Variants in ADGRL2 observed in about 807,000 individuals in gnomAD.
ADGRL2 encodes calcium-independent alpha-latrotoxin receptor 2.
ADGRL2 carries 44 observed loss-of-function variants against 157.4 expected under a neutral mutation model. The ratio of observed to expected loss-of-function variants is 0.28; its 90% CI spans 0.22 to 0.36. The LOEUF (loss-of-function observed/expected upper bound fraction) is 0.36, where lower values mean the gene tolerates loss of function less well. Among genes scored for constraint, ADGRL2 ranks in the 10% least tolerant of loss-of-function variants. ADGRL2 has a pLI of 1.00. For synonymous variants in ADGRL2, 585 were observed against 624.7 expected (o/e 0.94, Z 0.95); for missense variants, 1,510 against 1,768.9 (o/e 0.85, Z 2.63).
chr1:81,729,877 T>C (rs1440019779), intron 1 of ADGRL2, among the ~76,000 whole-genome samples: 1 of 152,256 alleles, frequency 6.6e-6, no homozygotes, highest in Non-Finnish European at 1.5e-5. Flanking sequence ...ACGGGATTGG[T>C]CATCTTGCAG....
chr1:81,763,284 A>C lies in ADGRL2; in HGVS notation c.-101+1432A>C, dbSNP rs190604313. ...ACTTCTTTGTGCCAACTGGATAACCAATTAAAAAAAAAATCTTCAGCTGGG... is the reference window on the plus strand; with the variant it reads ...ACTTCTTTGTGCCAACTGGATAACCCATTAAAAAAAAAATCTTCAGCTGGG... On this transcript the variant is annotated intron_variant, in intron 2 of 20. Coordinates refer to the ADGRL2 transcript ENST00000359929. Among the ~76,000 whole-genome samples, 143 of 151,920 alleles carry C rather than the reference A, an allele frequency of 9.4e-4. 1 individual carries two copies. The highest frequency in any genetic ancestry group is 3.3e-3 in the African/African-American group (138 of 41,462).
intron 1 of ADGRL2, among the ~76,000 whole-genome samples, chr1:81,714,086 G>A (rs1439864362): frequency 6.6e-6 from 1 of 152,026 alleles, no homozygotes; most frequent in African/African-American, 2.4e-5. Context: ...TCACTATCAC[G>A]AGAACAGCAT....
At chr1:81,637,145 G>A (rs958643157) in intron 3 of ADGRL2, among the ~76,000 whole-genome samples, 5 of 152,094 alleles carry the variant, frequency 3.3e-5, no homozygotes, top group African/African-American at 1.2e-4. Flanking sequence ...CACCGGGCTT[G>A]TTGTTTTTCA....
intron 3 of ADGRL2, among the ~76,000 whole-genome samples, chr1:81,618,394 G>A (rs560353396): frequency 6.6e-6 from 1 of 152,258 alleles, no homozygotes; most frequent in African/African-American, 2.4e-5. Flanking sequence ...CTATTACAGG[G>A]AAAGAACAGA....
intron 1 of ADGRL2, among the ~76,000 whole-genome samples, chr1:81,364,243 G>A (rs957148217): frequency 6.6e-6 from 1 of 151,812 alleles, no homozygotes; most frequent in Non-Finnish European, 1.5e-5. Context: ...CTTGGTCTAG[G>A]ATCATTTCTT....
chr1:81,345,270 G>A (rs1262319795), intron 1 of ADGRL2, among the ~76,000 whole-genome samples: 4 of 152,134 alleles, frequency 2.6e-5, no homozygotes, highest in African/African-American at 9.7e-5. Flanking sequence ...AAGTCACTAA[G>A]CCTGGGCCAC....
chr1:81,617,037 A>C (rs2081670629), intron 3 of ADGRL2, among the ~76,000 whole-genome samples: 1 of 152,164 alleles, frequency 6.6e-6, no homozygotes, highest in Admixed American at 6.5e-5. Context: ...ATTGAACATC[A>C]GTCTATATGA....
intron 2 of ADGRL2, among the ~76,000 whole-genome samples, chr1:81,567,277 A>G (rs749907615): frequency 6.6e-6 from 1 of 152,120 alleles, no homozygotes; most frequent in Non-Finnish European, 1.5e-5. Context: ...TTAAAATTCA[A>G]TACTTCAGTC....
chr1:81,511,534 A>G (rs575794670), intron 2 of ADGRL2, among the ~76,000 whole-genome samples: 2 of 152,272 alleles, frequency 1.3e-5, no homozygotes, highest in East Asian at 3.9e-4. Context: ...CTCTCAAACT[A>G]TTACTGTTAA....
intron 3 of ADGRL2, among the ~76,000 whole-genome samples, chr1:81,627,549 C>A (rs1180756760): frequency 6.6e-6 from 1 of 152,144 alleles, no homozygotes; most frequent in African/African-American, 2.4e-5. Flanking sequence ...AATCTTACAA[C>A]AATCCTACTA....
chr1:81,578,560 C>G (rs1388478395), intron 2 of ADGRL2, among the ~76,000 whole-genome samples: 4 of 152,006 alleles, frequency 2.6e-5, no homozygotes, highest in African/African-American at 9.7e-5. Flanking sequence ...CCTTTTTAAC[C>G]TTTTCTTTTA....
At chr1:81,415,802 G>A (rs1282923716) in intron 1 of ADGRL2, among the ~76,000 whole-genome samples, 2 of 151,392 alleles carry the variant, frequency 1.3e-5, no homozygotes, top group Non-Finnish European at 2.9e-5. Flanking sequence ...CTGAATGGAT[G>A]AATACATGAA....
chr1:81,885,311 A>G (rs1031908597), intron 2 of ADGRL2, among the ~76,000 whole-genome samples: 2 of 152,066 alleles, frequency 1.3e-5, no homozygotes, highest in Non-Finnish European at 1.5e-5. Flanking sequence ...TTTCATCTCT[A>G]TTTTCAGAGG....
intron 1 of ADGRL2, among the ~76,000 whole-genome samples, chr1:81,386,012 T>TA (rs963840074): frequency 1.0e-3 from 156 of 151,430 alleles, no homozygotes; most frequent in East Asian, 3.5e-3. Context: ...TGTGGCTAAT[T>TA]AAAAAAAAAT....
chr1:81,452,577 C>T (rs985861564), intron 2 of ADGRL2, among the ~76,000 whole-genome samples: 12 of 152,204 alleles, frequency 7.9e-5, no homozygotes, highest in Non-Finnish European at 1.3e-4. Flanking sequence ...ACTTTCATAG[C>T]TTCAGTAAGA....
At chr1:81,967,133 A>G (rs1204339217) in intron 13 of ADGRL2, among the ~76,000 whole-genome samples, 1 of 152,218 alleles carries the variant, frequency 6.6e-6, no homozygotes, top group Non-Finnish European at 1.5e-5. Flanking sequence ...AAGATTGTCT[A>G]CAGAATGTTT....
intron 2 of ADGRL2, chr1:81,513,888 T>A (rs1476201505): frequency 6.6e-6 from 1 of 152,208 alleles, no homozygotes; most frequent in Non-Finnish European, 1.5e-5. Context: ...AATGGGGCCA[T>A]CCTCTAAAGT....
At chr1:81,765,751 T>C (rs1223668778) in intron 2 of ADGRL2, among the ~76,000 whole-genome samples, 1 of 152,060 alleles carries the variant, frequency 6.6e-6, no homozygotes, top group Admixed American at 6.6e-5. Context: ...CAGTAAAACA[T>C]ACTTTATTTC....
At chr1:81,632,412 G>A (rs1030278577) in intron 3 of ADGRL2, among the ~76,000 whole-genome samples, 4 of 152,138 alleles carry the variant, frequency 2.6e-5, no homozygotes, top group African/African-American at 9.7e-5. Context: ...TTCAAACAGA[G>A]GGAAGAAGGG....
Sources: gnomAD v4.1 joint callset for allele counts (sites outside exome capture counted in the v4.1 genomes callset) on GRCh38, gnomAD v4.1.1 for gene constraint, MANE v1.5 for transcripts, NCBI Gene and HGNC (gene_info 2026-07-23, HGNC 2026-07-21) for gene names.